Variants in NONO observed in about 807,000 individuals in gnomAD.
NONO encodes non-POU domain-containing octamer-binding protein.
NONO carries 6 observed loss-of-function variants against 40.2 expected under a neutral mutation model. That is an observed-to-expected ratio of 0.15 (90% CI 0.08 to 0.29). The LOEUF (loss-of-function observed/expected upper bound fraction) is 0.29, where lower values mean the gene tolerates loss of function less well. Ranked by LOEUF, NONO falls within the 10% of genes least tolerant of loss-of-function variation. The pLI is 1.00. For missense variants in NONO, 133 were observed against 397.8 expected (o/e 0.33, Z 5.66); for synonymous variants, 89 against 123.3 (o/e 0.72, Z 1.85).
At position 71,291,772 on chromosome X, in the gene NONO, C is replaced by T. The variant is rs1306526475; in HGVS notation, c.155-7C>T. 1.7e-6 allele frequency: 2 copies of T among 1,161,176 alleles called. No homozygotes were observed. Among genetic ancestry groups the T allele is most frequent in the African/African-American group, 3.6e-5 (2 of 55,752 alleles). On this transcript the variant is annotated splice_polypyrimidine_tract_variant and splice_region_variant and intron_variant, in intron 3 of 11. Coordinates refer to ENST00000276079, the MANE Select transcript of NONO (RefSeq NM_007363.5). ...AGTCTTTTAAGTGACTGTGTGTCTT[C>T]TCTCAGATGAAGGCTTGACTATTGA...
At position 71,297,002 on chromosome X, in the gene NONO, A is replaced by T. The variant is rs1370808843; in HGVS notation, c.898A>T (p.Met300Leu). ...KEAREKLEME[M>L]EAARHEHQVM... Reference sequence around the variant, plus strand: ...GGCTCGTGAGAAGCTGGAGATGGAGATGGAAGCTGCACGCCATGAGCACCA... The same window carrying T: ...GGCTCGTGAGAAGCTGGAGATGGAGTTGGAAGCTGCACGCCATGAGCACCA... Residue 300 changes from methionine (M) to leucine (L), a missense_variant, in exon 7 of 12, where the codon ATG (methionine) becomes TTG (leucine). By Grantham distance (15) the Met-to-Leu change is conservative (BLOSUM62 2). Transcript: ENST00000276079. The T allele has an allele frequency of 1.7e-6, 2 of 1,206,864 alleles. No individual in the cohort carries two copies. Among genetic ancestry groups the T allele is most frequent in the Non-Finnish European group, 2.2e-6 (2 of 892,751 alleles).
chrX:71,297,054 C>A lies in NONO; in HGVS notation c.943+7C>A, dbSNP rs1021913878. ...GTCATGCTAATGAGACAGGGTGAGTCTAGGCCTGTAAGTCTTAAAGCTGAA... is the reference window on the plus strand; with the variant it reads ...GTCATGCTAATGAGACAGGGTGAGTATAGGCCTGTAAGTCTTAAAGCTGAA... On this transcript the variant is annotated splice_region_variant and intron_variant, in intron 7 of 11. Transcript: ENST00000276079. The A allele has an allele frequency of 2.6e-6, 3 of 1,170,429 alleles. No individual in the cohort carries two copies. The highest frequency in any genetic ancestry group is 1.1e-6 in the Non-Finnish European group (1 of 873,189).
chrX:71,298,668 A>G (rs747437953), intron 10 of NONO, 39 bp from the exon 11 acceptor site: 2 of 1,144,594 alleles, frequency 1.7e-6, no homozygotes, highest in South Asian at 1.8e-5. Flanking sequence ...GAGACTAACA[A>G]TCTTTATCCC....
chrX:71,290,607 T>C (rs2031303426), intron 2 of NONO, 22 bp from the exon 3 acceptor site: 1 of 1,177,390 alleles, frequency 8.5e-7, no homozygotes, highest in Non-Finnish European at 1.2e-6. Flanking sequence ...AATTTATTTA[T>C]TAGTCTACTT....
At chrX:71,287,682 A>AT (rs760430683) in intron 2 of NONO, among the ~76,000 whole-genome samples, 4 of 107,423 alleles carry the variant, frequency 3.7e-5, no homozygotes, top group African/African-American at 1.0e-4. Flanking sequence ...CACCCAGCCT[A>AT]TTTTTTTCTC....
intron 9 of NONO, chrX:71,298,267 A>AAT: frequency 2.2e-6 from 1 of 456,747 alleles, no homozygotes. Context: ...CTCTGTTGCT[A>AAT]ATAGGAGGCT....
chrX:71,293,498 G>A (rs1353003030), intron 4 of NONO, among the ~76,000 whole-genome samples: 4 of 108,551 alleles, frequency 3.7e-5, no homozygotes, highest in African/African-American at 6.7e-5. Flanking sequence ...CAGGAGAATC[G>A]CCTGAACCTG....
chrX:71,298,745 G>A lies in NONO; in HGVS notation c.1210G>A (p.Ala404Thr), dbSNP rs760469557. Residue 404 changes from alanine (A) to threonine (T), a missense_variant, in exon 11 of 12, where the codon GCT becomes ACT. Physicochemically the swap from Ala to Thr is moderately conservative, Grantham distance 58. Coordinates refer to ENST00000276079, the MANE Select transcript of NONO (RefSeq NM_007363.5). ...GINNRGAMPP[A>T]PVPAGTPAPP... ...AAACAACAGAGGTGCCATGCCCCCT[G>A]CTCCTGTGCCAGCTGGTACCCCAGC... The A allele has an allele frequency of 1.3e-4, 157 of 1,207,527 alleles. No individual in the cohort carries two copies. In the Middle Eastern group the frequency reaches 1.6e-3, roughly 12 times the overall value.
Position 71,300,035 on chromosome X carries a change from C to G in NONO, c.1375C>G (p.Pro459Ala), listed in dbSNP as rs1480363759. ...GTPPAFNRAA[P>A]GAEFAPNKRR... ...TCCTCCTGCATTCAACCGTGCAGCTCCTGGAGCTGAATTTGCCCCAAACAA... is the reference window on the plus strand; with the variant it reads ...TCCTCCTGCATTCAACCGTGCAGCTGCTGGAGCTGAATTTGCCCCAAACAA... The change falls in exon 12 of 12, where the codon CCT becomes GCT. Residue 459 changes from proline to alanine, a missense_variant. Pro to Ala is a conservative substitution (Grantham distance 27). Transcript: ENST00000276079. 1.7e-5 allele frequency: 21 copies of G among 1,209,496 alleles called. No individual in the cohort carries two copies. In the East Asian group the frequency reaches 5.9e-4, roughly 34 times the overall value.
At chrX:71,288,119 C>CTTTTTTTT (rs41517053) in intron 2 of NONO, among the ~76,000 whole-genome samples, 34 of 53,854 alleles carry the variant, frequency 6.3e-4, no homozygotes, top group East Asian at 8.1e-4. Flanking sequence ...TTATTTTTAT[C>CTTTTTTTT]TTTTTTTTTT....
intron 7 of NONO, 97 bp from the exon 8 acceptor site, chrX:71,297,279 GA>G: frequency 1.2e-6 from 1 of 866,695 alleles, no homozygotes; most frequent in Non-Finnish European, 1.6e-6. Context: ...GGTTCCAAAG[GA>G]ATTAGATCCT....
chrX:71,286,655 C>A (rs2031195704), intron 2 of NONO, among the ~76,000 whole-genome samples: 1 of 111,814 alleles, frequency 8.9e-6, no homozygotes, highest in Non-Finnish European at 1.9e-5. Context: ...ATGTGGTCTT[C>A]ATAATTTTTA....
intron 11 of NONO, among the ~76,000 whole-genome samples, chrX:71,299,112 G>A (rs1403160940): frequency 9.0e-6 from 1 of 111,699 alleles, no homozygotes; most frequent in Non-Finnish European, 1.9e-5. Context: ...AGTAGAGATG[G>A]GGTTACACCA....
chrX:71,287,815 C>T (rs776818149), intron 2 of NONO, among the ~76,000 whole-genome samples: 1 of 108,585 alleles, frequency 9.2e-6, no homozygotes, highest in Non-Finnish European at 1.9e-5. Context: ...TCCCAAGTAG[C>T]TGGGACTACA....
chrX:71,292,647 C>T (rs2031351750), intron 4 of NONO: 1 of 112,183 alleles, frequency 8.9e-6, no homozygotes, highest in African/African-American at 3.2e-5. Flanking sequence ...TTTGTCCCCC[C>T]ATGATCAAGA....
At chrX:71,291,413 TTTTG>T (rs1569238888) in intron 3 of NONO, among the ~76,000 whole-genome samples, 1 of 111,224 alleles carries the variant, frequency 9.0e-6, no homozygotes, top group East Asian at 2.8e-4. Flanking sequence ...TTGTTTTTTT[TTTTG>T]TTTGTTTATT....
intron 4 of NONO, chrX:71,293,078 T>G (rs1033361941): frequency 8.9e-6 from 1 of 112,955 alleles, no homozygotes; most frequent in Non-Finnish European, 1.9e-5. Flanking sequence ...GGAAAACATT[T>G]CTAGACATTA....
intron 9 of NONO, 197 bp from the exon 10 acceptor site, chrX:71,298,269 TAGG>T: frequency 6.5e-6 from 3 of 458,267 alleles, no homozygotes; most frequent in Middle Eastern, 7.1e-4. Flanking sequence ...CTGTTGCTAA[TAGG>T]AGGCTCTGGC....
intron 2 of NONO, among the ~76,000 whole-genome samples, 172 bp downstream of exon 2, chrX:71,284,625 G>C (rs1025680673): frequency 2.7e-5 from 3 of 111,697 alleles, no homozygotes; most frequent in Non-Finnish European, 5.7e-5. Flanking sequence ...CAACTCTAGT[G>C]GGGGGGCCCT....
Sources: allele counts gnomAD v4.1 joint callset (sites outside exome capture counted in the v4.1 genomes callset), GRCh38; gene constraint gnomAD v4.1.1; transcripts MANE v1.5; gene names NCBI Gene and HGNC (gene_info 2026-07-23, HGNC 2026-07-21).